The following UBR7 variants were observed in gnomAD, a reference collection of about 807,000 sequenced individuals.
The protein encoded by UBR7 is putative E3 ubiquitin-protein ligase UBR7.
UBR7 carries 22 observed loss-of-function variants against 57.0 expected under a neutral mutation model. The observed-to-expected ratio is 0.39, with a 90% CI of 0.28 to 0.55. The LOEUF is 0.55. Ranked by LOEUF, UBR7 falls within the 20% of genes least tolerant of loss-of-function variation. The pLI is 0.69. For missense variants in UBR7, 395 were observed against 513.2 expected (o/e 0.77, Z 2.23); for synonymous variants, 167 against 179.8 (o/e 0.93, Z 0.57).
intron 9 of UBR7, among the ~76,000 whole-genome samples, chr14:93,221,147 G>A (rs1050942348): frequency 3.4e-5 from 5 of 147,952 alleles, no homozygotes; most frequent in African/African-American, 1.3e-4. Context: ...GTCTCACTCT[G>A]TCACCCAGGC....
intron 1 of UBR7, among the ~76,000 whole-genome samples, chr14:93,207,667 C>T (rs1464993977): frequency 1.3e-5 from 2 of 152,034 alleles, no homozygotes; most frequent in African/African-American, 4.8e-5. Context: ...CCCCTGTCTC[C>T]AACTCTGTCC....
At chr14:93,217,949 C>T (rs1177087379) in intron 6 of UBR7, among the ~76,000 whole-genome samples, 1 of 151,330 alleles carries the variant, frequency 6.6e-6, no homozygotes, top group African/African-American at 2.4e-5. Flanking sequence ...TAAAAAATAG[C>T]CAGGCATGCT....
In UBR7 at chr14:93,207,471, C is replaced by T. The variant is rs374069636; in HGVS notation, c.150+30C>T. ...GCGCGCGGCCCGGGCCTCCTCTCCCCCGGCTCCCGCCGAACCTCCCCTTCC... is the reference window on the plus strand; with the variant it reads ...GCGCGCGGCCCGGGCCTCCTCTCCCTCGGCTCCCGCCGAACCTCCCCTTCC... On this transcript the variant is annotated intron_variant, in intron 1 of 10. Transcript: ENST00000013070. 435 of 1,519,254 alleles carry T rather than the reference C, an allele frequency of 2.9e-4. 1 individual carries two copies. The African/African-American group carries it at 5.2e-3, about 18-fold the overall frequency. The allele number at this position is 1,519,254 out of a possible 1,614,324, so 94.1% of individuals were successfully genotyped here. A position where few individuals can be genotyped will look rare whatever the true frequency, so the allele number is the denominator to read the frequency against.
At position 93,219,355 on chromosome 14, in the gene UBR7, CTG is replaced by C. The variant is rs1894658840; in HGVS notation, c.956_957del (p.Cys319TyrfsTer15). On this transcript the variant is annotated frameshift_variant, in exon 8 of 11. Coordinates refer to ENST00000013070, the MANE Select transcript of UBR7 (RefSeq NM_175748.4). LOFTEE classifies it high-confidence loss of function. ...GTAGCAAGTTGTGTACCTGCCAAGA[CTG>C]TATGGTAAAGTATCTGATTGTGCTC... ...WRSKLCTCQDCMKMYGDLDVL... is the reference protein window; with the variant it reads ...WRSKLCTCQDXMKMYGDLDVL... 2 of 1,614,036 alleles carry C rather than the reference CTG, an allele frequency of 1.2e-6. No homozygotes were observed. Among genetic ancestry groups the C allele is most frequent in the African/African-American group, 1.3e-5 (1 of 74,900 alleles).
intron 1 of UBR7, among the ~76,000 whole-genome samples, chr14:93,208,549 A>C (rs1894415675): frequency 6.6e-6 from 1 of 151,754 alleles, no homozygotes; most frequent in Non-Finnish European, 1.5e-5. Context: ...ATTCCTTAAT[A>C]TTTTCTTTGT....
chr14:93,216,732 G>A lies in UBR7; in HGVS notation c.601+1451G>A, dbSNP rs768896661. On this transcript the variant is annotated intron_variant, in intron 6 of 10. Transcript: ENST00000013070. ...TGGGTTCAAGCGATTCTTGTGACGC[G>A]GCTTCCAGAGTAGCTGGGACTACAG... 7.9e-5 allele frequency among the ~76,000 whole-genome samples: 12 copies of A among 150,950 alleles called. No homozygotes were observed. In the South Asian group the frequency reaches 8.4e-4, roughly 11 times the overall value.
Position 93,227,009 on chromosome 14 carries a change from G to T in UBR7, c.1252G>T (p.Asp418Tyr). Residue 418 changes from aspartate (D) to tyrosine (Y), a missense_variant, in exon 11 of 11, where the codon GAT becomes TAT. Physicochemically the swap from Asp to Tyr is radical, Grantham distance 160 (BLOSUM62 -3). Transcript: ENST00000013070. The stretch of plus-strand genomic sequence containing the variant: ...TCAGTCAAAAAAGAGAAGAAGAGTG[G>T]ATGGGATGCAGTATTACTGCAGCTA... ...EFQSKKRRRVDGMQYYCS is the reference protein window; with the variant it reads ...EFQSKKRRRVYGMQYYCS 1 of 1,612,632 alleles carries T rather than the reference G, an allele frequency of 6.2e-7. No individual in the cohort carries two copies. The highest frequency in any genetic ancestry group is 8.5e-7 in the Non-Finnish European group (1 of 1,179,098).
chr14:93,229,155 T>A lies in UBR7; in HGVS notation c.*2120T>A, dbSNP rs934988777. The A allele has an allele frequency of 1.1e-5, 4 of 347,888 alleles. No individual in the cohort carries two copies. The highest frequency in any genetic ancestry group is 8.6e-5 in the African/African-American group (4 of 46,676). 21.6% of individuals were successfully genotyped at this position (347,888 alleles called of 1,614,324 possible). On this transcript the variant is annotated 3_prime_UTR_variant, in exon 11 of 11. Transcript: ENST00000013070. ...TTTGTAGAAATTGTTACTGGACTTA[T>A]AATTACATACTTAACTCTGATCAGG...
rs2905 is a variant in UBR7, at chr14:93,227,076, C to T, written c.*41C>T. ...TTTCTCATTCAAGCCAATGAAAATG[C>T]GCTTCCCATTCTTGGAATAAAAGAG... On this transcript the variant is annotated 3_prime_UTR_variant, in exon 11 of 11. Coordinates refer to ENST00000013070, the MANE Select transcript of UBR7 (RefSeq NM_175748.4). 0.3 allele frequency: 442,796 copies of T among 1,459,678 alleles called. 71,536 individuals carry two copies. Among genetic ancestry groups the T allele is most frequent in the Non-Finnish European group, 0.33 (348,630 of 1,044,880 alleles). The allele number at this position is 1,459,678 out of a possible 1,614,324, so 90.4% of individuals were successfully genotyped here. A position where few individuals can be genotyped will look rare whatever the true frequency, so the allele number is the denominator to read the frequency against.
In UBR7 at chr14:93,207,299, G is replaced by T; in HGVS notation, c.8G>T (p.Gly3Val). The T allele has an allele frequency of 6.4e-7, 1 of 1,555,154 alleles. No homozygotes were observed. Among genetic ancestry groups the T allele is most frequent in the Non-Finnish European group, 8.7e-7 (1 of 1,149,152 alleles). Residue 3 changes from glycine to valine, a missense_variant, in exon 1 of 11, where the codon GGA becomes GTA. Transcript: ENST00000013070. ...TTCGGCTGACAGTTGAGGATGGCCG[G>T]AGCCGAGGGCGCCGCTGGGCGGCAG... is the stretch of plus-strand genomic sequence containing the variant. MA[G>V]AEGAAGRQSE...
At chr14:93,213,764 T>C (rs1481313300) in intron 4 of UBR7, among the ~76,000 whole-genome samples, 1 of 152,180 alleles carries the variant, frequency 6.6e-6, no homozygotes, top group African/African-American at 2.4e-5. Flanking sequence ...TGTCTGGGTA[T>C]TTACCGATTT....
chr14:93,227,308 A>C lies in UBR7; in HGVS notation c.*273A>C, dbSNP rs1409753973. 1.0e-5 allele frequency: 6 copies of C among 600,944 alleles called. No homozygotes were observed. In the African/African-American group the frequency reaches 1.1e-4, roughly 11 times the overall value. 37.2% of individuals were successfully genotyped at this position (600,944 alleles called of 1,614,324 possible). ...CCCAGGGTTATTTGCATAGTTTTTAAGTTTGATTTTGTTTTGAGAAAGCAA... is the reference window on the plus strand; with the variant it reads ...CCCAGGGTTATTTGCATAGTTTTTACGTTTGATTTTGTTTTGAGAAAGCAA... On this transcript the variant is annotated 3_prime_UTR_variant, in exon 11 of 11. Transcript: ENST00000013070.
At chr14:93,212,150 C>A in intron 4 of UBR7, 23 bp downstream of exon 4, 1 of 1,571,654 alleles carries the variant, frequency 6.4e-7, no homozygotes, top group Non-Finnish European at 8.7e-7. Context: ...GAAGTTAAAC[C>A]TGGGGGTGTG....
In UBR7 at chr14:93,227,956, T is replaced by C. The variant is rs1017120424; in HGVS notation, c.*921T>C. 3 of 700,406 alleles carry C rather than the reference T, an allele frequency of 4.3e-6. No homozygotes were observed. The highest frequency in any genetic ancestry group is 1.5e-5 in the South Asian group (1 of 67,192). The allele number at this position is 700,406 out of a possible 1,614,324, so 43.4% of individuals were successfully genotyped here. A position where few individuals can be genotyped will look rare whatever the true frequency, so the allele number is the denominator to read the frequency against. ...TATCAAAAATGGACCTATTTTGATA[T>C]TCTGTTATGAAAATGTTATTAGAAC... On this transcript the variant is annotated 3_prime_UTR_variant, in exon 11 of 11. Transcript: ENST00000013070.
At chr14:93,210,625 T>A in intron 2 of UBR7, 23 bp from the exon 3 acceptor site, 1 of 1,573,180 alleles carries the variant, frequency 6.4e-7, no homozygotes, top group Admixed American at 1.8e-5. Flanking sequence ...AAAAATAAAA[T>A]TGTTATTTCC....
chr14:93,222,497 T>G (rs776705300), intron 10 of UBR7, 123 bp downstream of exon 10: 2 of 762,488 alleles, frequency 2.6e-6, no homozygotes, highest in Non-Finnish European at 4.6e-6. Flanking sequence ...GTAATCCCAG[T>G]ACTTTGGGAG....
At position 93,215,217 on chromosome 14, in the gene UBR7, G is replaced by A; in HGVS notation, c.537G>A (p.Glu179=). The A allele has an allele frequency of 6.3e-7, 1 of 1,590,366 alleles. No individual in the cohort carries two copies. The highest frequency in any genetic ancestry group is 8.6e-7 in the Non-Finnish European group (1 of 1,167,674). The change falls in exon 6 of 11, where the codon GAG becomes GAA. Residue 179 remains glutamate (E), a synonymous_variant. Transcript: ENST00000013070. ...AIPPESGDFQ[E]MVCQACMKRC... Reference sequence around the variant, plus strand: ...CCCCTGAGAGTGGGGATTTTCAGGAGATGGTATGCCAGGCCTGCATGAAAC... The same window carrying A: ...CCCCTGAGAGTGGGGATTTTCAGGAAATGGTATGCCAGGCCTGCATGAAAC...
intron 4 of UBR7, among the ~76,000 whole-genome samples, chr14:93,214,408 C>T (rs1186121034): frequency 6.6e-6 from 1 of 152,132 alleles, no homozygotes; most frequent in Non-Finnish European, 1.5e-5. Context: ...AGTCTATGTC[C>T]TTTGGTATAT....
chr14:93,225,572 C>T (rs1894833143), intron 10 of UBR7, among the ~76,000 whole-genome samples: 1 of 152,042 alleles, frequency 6.6e-6, no homozygotes, highest in South Asian at 2.1e-4. Flanking sequence ...ATTTGAGGCT[C>T]CAATGAGCTA....
Sources: allele counts gnomAD v4.1 joint callset (sites outside exome capture counted in the v4.1 genomes callset), GRCh38; gene constraint gnomAD v4.1.1; transcripts MANE v1.5; gene names NCBI Gene and HGNC (gene_info 2026-07-23, HGNC 2026-07-21).